The following GPATCH2 variants were observed in gnomAD, a reference collection of about 807,000 sequenced individuals.
The protein encoded by GPATCH2 is G-patch domain containing 2.
GPATCH2 carries 51 observed loss-of-function variants against 58.0 expected under a neutral mutation model. The observed-to-expected ratio is 0.88, with a 90% confidence interval of 0.70 to 1.11. The LOEUF is 1.11. GPATCH2 is among the 50% of genes most tolerant of loss of function. GPATCH2 has a pLI of 0.00. For missense variants in GPATCH2, 625 were observed against 652.2 expected (o/e 0.96, Z 0.45); for synonymous variants, 222 against 218.5 (o/e 1.02, Z -0.14).
intron 5 of GPATCH2, among the ~76,000 whole-genome samples, chr1:217,593,808 G>A (rs1406252917): frequency 1.3e-5 from 2 of 151,982 alleles, no homozygotes; most frequent in East Asian, 3.8e-4. Flanking sequence ...TACATAGCTA[G>A]AATAGATCTG....
At chr1:217,433,744 T>TA (rs1558388783) in intron 9 of GPATCH2, among the ~76,000 whole-genome samples, 1 of 152,076 alleles carries the variant, frequency 6.6e-6, no homozygotes, top group East Asian at 1.9e-4. Flanking sequence ...TATTTCACAG[T>TA]AAAAAATAAA....
At chr1:217,588,759 G>A (rs1328898398) in intron 5 of GPATCH2, among the ~76,000 whole-genome samples, 1 of 152,014 alleles carries the variant, frequency 6.6e-6, no homozygotes, top group South Asian at 2.1e-4. Context: ...ATTCTAGAAG[G>A]TAACCATTAT....
At chr1:217,478,144 G>A (rs886691433) in intron 8 of GPATCH2, among the ~76,000 whole-genome samples, 4 of 152,150 alleles carry the variant, frequency 2.6e-5, no homozygotes, top group African/African-American at 4.8e-5. Context: ...CAATATCCAA[G>A]TCCCTTTTAA....
intron 8 of GPATCH2, among the ~76,000 whole-genome samples, 168 bp from the exon 9 acceptor site, chr1:217,449,505 G>A (rs1208065997): frequency 2.6e-5 from 4 of 152,282 alleles, no homozygotes; most frequent in Admixed American, 6.5e-5. Flanking sequence ...TTGTTGACAA[G>A]CGTTCAGCAG....
chr1:217,621,358 A>G (rs544987867), intron 1 of GPATCH2, among the ~76,000 whole-genome samples: 5 of 152,312 alleles, frequency 3.3e-5, no homozygotes, highest in African/African-American at 4.8e-5. Context: ...CAGGCAATTC[A>G]GATTTGCACC....
intron 5 of GPATCH2, among the ~76,000 whole-genome samples, chr1:217,560,396 C>T (rs1351532903): frequency 6.6e-6 from 1 of 152,180 alleles, no homozygotes; most frequent in East Asian, 1.9e-4. Context: ...TTGTTTTCCT[C>T]TTTGCTCATC....
At chr1:217,556,720 T>C (rs916222580) in intron 5 of GPATCH2, among the ~76,000 whole-genome samples, 2 of 152,192 alleles carry the variant, frequency 1.3e-5, no homozygotes, top group Non-Finnish European at 2.9e-5. Flanking sequence ...CCCTGGGAAA[T>C]ATACATTGTG....
Position 217,430,829 on chromosome 1 carries a change from A to G in GPATCH2, c.*316T>C, listed in dbSNP as rs1571686285. On this transcript the variant is annotated 3_prime_UTR_variant, in exon 10 of 10. Coordinates refer to ENST00000366935, the MANE Select transcript of GPATCH2 (RefSeq NM_018040.5). ...CTGGGCATTGCAGCACTGCACACAT[A>G]CATGAATTAAGCAAAGCATCGGAAA... 1 of 371,640 alleles carries G rather than the reference A, an allele frequency of 2.7e-6. No homozygotes were observed. Among genetic ancestry groups the G allele is most frequent in the East Asian group, 6.0e-5 (1 of 16,656 alleles). 23.0% of individuals were successfully genotyped at this position (371,640 alleles called of 1,614,324 possible). A position where few individuals can be genotyped will look rare whatever the true frequency, so the allele number is the denominator to read the frequency against.
rs1018249103 is a variant in GPATCH2 at position 217,556,461 on chromosome 1, A to T, written c.1099-41572T>A. Among the ~76,000 whole-genome samples, 4 of 152,296 alleles carry T rather than the reference A, an allele frequency of 2.6e-5. No individual in the cohort carries two copies. In the South Asian group the frequency reaches 8.3e-4, roughly 32 times the overall value. ...TTTAAACTTTTTATAAATAGAAACA[A>T]ACTGTATGCATTATTCTGCACTTGC... On this transcript the variant is annotated intron_variant, in intron 5 of 9. Coordinates refer to ENST00000366935, the MANE Select transcript of GPATCH2 (RefSeq NM_018040.5).
chr1:217,567,193 T>A (rs1229319505), intron 5 of GPATCH2, among the ~76,000 whole-genome samples: 1 of 152,032 alleles, frequency 6.6e-6, no homozygotes, highest in South Asian at 2.1e-4. Context: ...ATTACAGGCA[T>A]GCGCCACCTC....
chr1:217,477,488 C>CCCA (rs1481138259), intron 8 of GPATCH2, among the ~76,000 whole-genome samples: 2 of 152,140 alleles, frequency 1.3e-5, no homozygotes, highest in Non-Finnish European at 2.9e-5. Flanking sequence ...CAGAGGGGAG[C>CCCA]CCACTGCCCT....
chr1:217,605,514 A>C, intron 5 of GPATCH2, among the ~76,000 whole-genome samples: 1 of 152,230 alleles, frequency 6.6e-6, no homozygotes, highest in South Asian at 2.1e-4. Flanking sequence ...AAAGCTTTTC[A>C]ACAAATTCCT....
chr1:217,580,135 A>G (rs1038253584), intron 5 of GPATCH2, among the ~76,000 whole-genome samples: 6 of 152,228 alleles, frequency 3.9e-5, no homozygotes, highest in Non-Finnish European at 8.8e-5. Context: ...TGAGACTTCA[A>G]CAGACAAGCA....
rs765264419 is a variant in GPATCH2, at chr1:217,610,346, T to C, written c.1073A>G (p.Lys358Arg). 1.2e-6 allele frequency: 2 copies of C among 1,602,166 alleles called. No individual in the cohort carries two copies. The highest frequency in any genetic ancestry group is 1.7e-5 in the Admixed American group (1 of 59,812). The change falls in exon 5 of 10, where the codon AAA (lysine) becomes AGA (arginine). Residue 358 changes from lysine (K) to arginine (R), a missense_variant. Lys to Arg is a conservative substitution (Grantham distance 26). Transcript: ENST00000366935. ...LHGMSSKNIK[K>R]SGGTPTSMVP... ...CATTGAAGTTGGAGTCCCTCCAGAT[T>C]TTTTAATATTCTTTGAAGACATTCC...
intron 5 of GPATCH2, among the ~76,000 whole-genome samples, chr1:217,539,294 G>A (rs1664618039): frequency 6.6e-6 from 1 of 152,094 alleles, no homozygotes; most frequent in Non-Finnish European, 1.5e-5. Context: ...GTAAAAGAAG[G>A]ATCATTAATT....
rs983751385 is a variant in GPATCH2 at position 217,454,002 on chromosome 1, A to T, written c.1278-4665T>A. Among the ~76,000 whole-genome samples, 4 of 152,288 alleles carry T rather than the reference A, an allele frequency of 2.6e-5. No homozygotes were observed. The South Asian group carries it at 8.3e-4, about 32-fold the overall frequency. ...GTCAGTTAGAAAAATATCAGCCTGG[A>T]CAGGGCATCAGCTGCACAGAAATAA... is the stretch of plus-strand genomic sequence containing the variant. On this transcript the variant is annotated intron_variant, in intron 8 of 9. Transcript: ENST00000366935.
intron 5 of GPATCH2, among the ~76,000 whole-genome samples, chr1:217,516,084 T>A (rs886669646): frequency 3.8e-4 from 56 of 145,756 alleles, no homozygotes; most frequent in African/African-American, 1.4e-3. Flanking sequence ...AGCTACTCCT[T>A]TTTTTTTTTT....
chr1:217,434,698 A>C (rs1358493109), intron 9 of GPATCH2, among the ~76,000 whole-genome samples: 1 of 152,200 alleles, frequency 6.6e-6, no homozygotes, highest in Non-Finnish European at 1.5e-5. Flanking sequence ...ATTTCTAAAA[A>C]ACTGCTAAAT....
rs184394791 is a variant in GPATCH2, at chr1:217,559,355, G to A, written c.1099-44466C>T. Among the ~76,000 whole-genome samples, 217 of 151,208 alleles carry A rather than the reference G, an allele frequency of 1.4e-3. 1 individual carries two copies. Among genetic ancestry groups the A allele is most frequent in the African/African-American group, 4.0e-3 (164 of 41,270 alleles). On this transcript the variant is annotated intron_variant, in intron 5 of 9. Transcript: ENST00000366935. Reference sequence around the variant, plus strand: ...AAAAAAAAATCCTTCAAAAGATACCGAGGAAAGATCAGATTCTAGATATCT... The same window carrying A: ...AAAAAAAAATCCTTCAAAAGATACCAAGGAAAGATCAGATTCTAGATATCT...
Sources: allele counts gnomAD v4.1 joint callset (sites outside exome capture counted in the v4.1 genomes callset), GRCh38; gene constraint gnomAD v4.1.1; transcripts MANE v1.5; gene names NCBI Gene and HGNC (gene_info 2026-07-23, HGNC 2026-07-21).